Variants in GRIN2C observed in about 807,000 individuals in gnomAD.
The protein encoded by GRIN2C is glutamate receptor ionotropic, NMDA 2C.
A neutral mutation model predicts 77.7 loss-of-function variants in GRIN2C; 64 were observed. That is an observed-to-expected ratio of 0.82 (90% CI 0.67 to 1.01). The LOEUF (loss-of-function observed/expected upper bound fraction) is 1.01. GRIN2C is among the 50% of genes least tolerant of loss of function. The pLI, the probability that GRIN2C is intolerant of heterozygous loss-of-function variation, is 0.00. For missense variants in GRIN2C, 1,549 were observed against 1,486.0 expected (o/e 1.04, Z -0.70); for synonymous variants, 792 against 643.4 (o/e 1.23, Z -3.49).
Position 74,850,541 on chromosome 17 carries a change from G to T in GRIN2C, c.1325+15C>A. 1 of 1,611,980 alleles carries T rather than the reference G, an allele frequency of 6.2e-7. No homozygotes were observed. ...GCACCCAGCTCACACTAGCCTCCCA[G>T]GGCCCTCCACAGACCTGAAGGTGTG... is the stretch of plus-strand genomic sequence containing the variant. On this transcript the variant is annotated intron_variant, in intron 5 of 12. Coordinates refer to ENST00000293190, the MANE Select transcript of GRIN2C (RefSeq NM_000835.6). The surrounding 1 kb of genome is among the most constrained non-coding windows in gnomAD (Gnocchi z 5.3).
At position 74,846,045 on chromosome 17, in the gene GRIN2C, C is replaced by T; in HGVS notation, c.2350+21G>A. The T allele has an allele frequency of 6.2e-7, 1 of 1,609,694 alleles. No individual in the cohort carries two copies. The highest frequency in any genetic ancestry group is 8.5e-7 in the Non-Finnish European group (1 of 1,176,306). ...GGGCTCCACAGCCCACCCTGGGCAT[C>T]CCAGCAATGGCAGTACCCACCGTCC... is the stretch of plus-strand genomic sequence containing the variant. On this transcript the variant is annotated intron_variant, in intron 11 of 12. Transcript: ENST00000293190. The surrounding 1 kb of genome is among the most constrained non-coding windows in gnomAD (Gnocchi z 4.4).
intron 2 of GRIN2C, 22 bp downstream of exon 2, chr17:74,854,672 G>C: frequency 6.3e-7 from 1 of 1,592,424 alleles, no homozygotes; most frequent in Non-Finnish European, 8.6e-7. Flanking sequence ...AGGCACGAGG[G>C]GACATGAGTT....
chr17:74,852,378 G>T lies in GRIN2C; in HGVS notation c.633C>A (p.Arg211=). The T allele has an allele frequency of 7.0e-7, 1 of 1,431,274 alleles. No individual in the cohort carries two copies. Among genetic ancestry groups the T allele is most frequent in the Non-Finnish European group, 9.1e-7 (1 of 1,099,612 alleles). 88.7% of individuals were successfully genotyped at this position (1,431,274 alleles called of 1,614,324 possible). ...LELGPGGPRA[R]TQRLLRQLDA... ...CGAGCTGGCGCAGCAGGCGCTGCGT[G>T]CGCGCGCGCGGCCCTCCCGGGCCCA... is the stretch of plus-strand genomic sequence containing the variant. Residue 211 remains arginine (R), a synonymous_variant, in exon 3 of 13, where the codon CGC becomes CGA. Transcript: ENST00000293190.
Position 74,850,085 on chromosome 17 carries a change from C to T in GRIN2C, c.1491+121G>A. 7.4e-7 allele frequency: 1 copy of T among 1,355,804 alleles called. No individual in the cohort carries two copies. Among genetic ancestry groups the T allele is most frequent in the African/African-American group, 1.4e-5 (1 of 70,444 alleles). The allele number at this position is 1,355,804 out of a possible 1,614,324, so 84.0% of individuals were successfully genotyped here. A position where few individuals can be genotyped will look rare whatever the true frequency, so the allele number is the denominator to read the frequency against. On this transcript the variant is annotated intron_variant, in intron 6 of 12. Transcript: ENST00000293190. The surrounding 1 kb of genome is among the most constrained non-coding windows in gnomAD (Gnocchi z 5.3). ...GAGCTCAGCTTTCAGTACTGACCACCCCAGGAGTCATCATTGGTGACAGCC... is the reference window on the plus strand; with the variant it reads ...GAGCTCAGCTTTCAGTACTGACCACTCCAGGAGTCATCATTGGTGACAGCC...
chr17:74,849,920 C>T lies in GRIN2C; in HGVS notation c.1505G>A (p.Arg502Gln). ...NGMIGEVYYK[R>Q]ADMAIGSLTI... is the part of the protein sequence containing the mutation. ...GAGGGAGCCGATGGCCATGTCTGCC[C>T]GCTTGTAGTACACCTGGGGGCCGGA... is the stretch of plus-strand genomic sequence containing the variant. The change falls in exon 7 of 13, where the codon CGG becomes CAG. Residue 502 changes from arginine (R) to glutamine (Q), a missense_variant. By Grantham distance (43) the Arg-to-Gln change is conservative (BLOSUM62 1). Transcript: ENST00000293190. The surrounding 1 kb of genome is among the most constrained non-coding windows in gnomAD (Gnocchi z 4.6). 2.5e-6 allele frequency: 4 copies of T among 1,612,926 alleles called. No individual in the cohort carries two copies. Among genetic ancestry groups the T allele is most frequent in the Non-Finnish European group, 2.5e-6 (3 of 1,179,622 alleles).
In GRIN2C at chr17:74,849,650, T is replaced by A; in HGVS notation, c.1645+130A>T. 1 of 785,958 alleles carries A rather than the reference T, an allele frequency of 1.3e-6. No individual in the cohort carries two copies. The allele number at this position is 785,958 out of a possible 1,614,324, so 48.7% of individuals were successfully genotyped here. A position where few individuals can be genotyped will look rare whatever the true frequency, so the allele number is the denominator to read the frequency against. ...CCTTTCCACTCACCTCCAGCCAACC[T>A]CCAAGACCCAAGGCTGCTGTGCTTG... On this transcript the variant is annotated intron_variant, in intron 7 of 12. Coordinates refer to ENST00000293190, the MANE Select transcript of GRIN2C (RefSeq NM_000835.6). The surrounding 1 kb of genome is among the most constrained non-coding windows in gnomAD (Gnocchi z 4.6).
rs1032004323 is a variant in GRIN2C, at chr17:74,852,231, G to T, written c.780C>A (p.Gly260=). 1.4e-6 allele frequency: 2 copies of T among 1,420,118 alleles called. No homozygotes were observed. The highest frequency in any genetic ancestry group is 1.5e-5 in the African/African-American group (1 of 66,454). The allele number at this position is 1,420,118 out of a possible 1,614,324, so 88.0% of individuals were successfully genotyped here. The change falls in exon 3 of 13, where the codon GGC becomes GGA. Residue 260 remains glycine, a synonymous_variant. Transcript: ENST00000293190. ...HVWLVPNLAL[G]STDAPPATFP... is the part of the protein sequence containing the mutation. The stretch of plus-strand genomic sequence containing the variant: ...AGGTGGCGGGGGGCGCATCGGTGCT[G>T]CCCAGCGCCAGGTTGGGCACCAGCC...
intron 3 of GRIN2C, 37 bp from the exon 4 acceptor site, chr17:74,851,728 G>A (rs751445040): frequency 1.3e-5 from 17 of 1,304,354 alleles, no homozygotes; most frequent in Non-Finnish European, 1.8e-5. Context: ...CCCTGCCAAG[G>A]ACCAGGCACC....
At position 74,843,566 on chromosome 17, in the gene GRIN2C, G is replaced by A. The variant is rs558616076; in HGVS notation, c.2584-13C>T. ...AGCTGTAGATGCCCTGGGCAGTAGG[G>A]AGACGACAGGCCGTAAGCAGCGCCC... On this transcript the variant is annotated splice_polypyrimidine_tract_variant and intron_variant, in intron 12 of 12. Coordinates refer to ENST00000293190, the MANE Select transcript of GRIN2C (RefSeq NM_000835.6). 5 of 1,531,670 alleles carry A rather than the reference G, an allele frequency of 3.3e-6. No homozygotes were observed. The East Asian group carries it at 1.2e-4, about 38-fold the overall frequency. The allele number at this position is 1,531,670 out of a possible 1,614,324, so 94.9% of individuals were successfully genotyped here.
Position 74,843,304 on chromosome 17 carries a change from A to G in GRIN2C, c.2833T>C (p.Cys945Arg). 7.5e-7 allele frequency: 1 copy of G among 1,337,504 alleles called. No individual in the cohort carries two copies. Among genetic ancestry groups the G allele is most frequent in the East Asian group, 2.8e-5 (1 of 36,350 alleles). 82.9% of individuals were successfully genotyped at this position (1,337,504 alleles called of 1,614,324 possible). Residue 945 changes from cysteine to arginine, a missense_variant, in exon 13 of 13, where the codon TGC (cysteine) becomes CGC (arginine). Physicochemically the swap from Cys to Arg is radical, Grantham distance 180. Coordinates refer to ENST00000293190, the MANE Select transcript of GRIN2C (RefSeq NM_000835.6). The part of the protein sequence containing the change: ...CPTPRSGPSP[C>R]LPTPDPPPEP... ...GGGGGCGGGTCGGGGGTGGGCAGGC[A>G]TGGGCTGGGGCCAGACCGCGGGGTC... is the stretch of plus-strand genomic sequence containing the variant.
rs2037690155 is a variant in GRIN2C at position 74,852,495 on chromosome 17, G to A, written c.516C>T (p.His172=). The A allele has an allele frequency of 1.3e-6, 2 of 1,569,052 alleles. No individual in the cohort carries two copies. The highest frequency in any genetic ancestry group is 1.4e-5 in the African/African-American group (1 of 71,132). The change falls in exon 3 of 13, where the codon CAC becomes CAT. Residue 172 remains histidine, a synonymous_variant. Transcript: ENST00000293190. The stretch of plus-strand genomic sequence containing the variant: ...CCTCCAGGAAGAGCGCGTGGCCCGG[G>A]TGCAGGCTGGTGATGACGGCGAAGG... ...WSAFAVITSL[H]PGHALFLEGV...
Position 74,846,178 on chromosome 17 carries a change from G to A in GRIN2C, c.2238C>T (p.Val746=). The stretch of plus-strand genomic sequence containing the variant: ...CAAAGACCTTGCCAGACCCAATGGT[G>A]ACCAGCTTGCAGCCCTCGTCCTTGC... ...MAGKDEGCKL[V]TIGSGKVFAT... The change falls in exon 11 of 13, where the codon GTC becomes GTT. Residue 746 remains valine, a synonymous_variant. Transcript: ENST00000293190. This position sits in a 1 kb window ranked among gnomAD's most constrained non-coding sequence, Gnocchi z 4.4. 6.2e-7 allele frequency: 1 copy of A among 1,614,156 alleles called. No individual in the cohort carries two copies. Among genetic ancestry groups the A allele is most frequent in the Non-Finnish European group, 8.5e-7 (1 of 1,179,998 alleles).
At position 74,852,501 on chromosome 17, in the gene GRIN2C, G is replaced by A; in HGVS notation, c.510C>T (p.Ser170=). The part of the protein sequence containing the change: ...YDWSAFAVIT[S]LHPGHALFLE... ...GGAAGAGCGCGTGGCCCGGGTGCAG[G>A]CTGGTGATGACGGCGAAGGCGCTCC... The change falls in exon 3 of 13, where the codon AGC becomes AGT. Residue 170 remains serine (S), a synonymous_variant. Transcript: ENST00000293190. 1.3e-6 allele frequency: 2 copies of A among 1,569,798 alleles called. No homozygotes were observed. The highest frequency in any genetic ancestry group is 1.1e-5 in the South Asian group (1 of 87,010).
Position 74,846,394 on chromosome 17 carries a change from C to A in GRIN2C, c.2163-141G>T. ...CCAATGGGCAGAGACTTGTCTGGTT[C>A]TCTTGGGTCCTGGATGGGGTGAGGA... On this transcript the variant is annotated intron_variant, in intron 10 of 12. Transcript: ENST00000293190. The surrounding 1 kb of genome is among the most constrained non-coding windows in gnomAD (Gnocchi z 4.4). 1 of 697,434 alleles carries A rather than the reference C, an allele frequency of 1.4e-6. No individual in the cohort carries two copies. Among genetic ancestry groups the A allele is most frequent in the South Asian group, 1.8e-5 (1 of 56,884 alleles). The allele number at this position is 697,434 out of a possible 1,614,324, so 43.2% of individuals were successfully genotyped here. A position where few individuals can be genotyped will look rare whatever the true frequency, so the allele number is the denominator to read the frequency against.
rs770026107 is a variant in GRIN2C at position 74,847,827 on chromosome 17, C to A, written c.1771+25G>T. On this transcript the variant is annotated intron_variant, in intron 8 of 12. Coordinates refer to ENST00000293190, the MANE Select transcript of GRIN2C (RefSeq NM_000835.6). This position sits in a 1 kb window ranked among gnomAD's most constrained non-coding sequence, Gnocchi z 5.2. Reference sequence around the variant, plus strand: ...CCTCAGGGTGCCCAGGCCCACCCCTCCTGCCGGGCCCAGGCAAGGCTTACT... The same window carrying A: ...CCTCAGGGTGCCCAGGCCCACCCCTACTGCCGGGCCCAGGCAAGGCTTACT... 1.9e-6 allele frequency: 3 copies of A among 1,613,572 alleles called. No individual in the cohort carries two copies. The highest frequency in any genetic ancestry group is 2.2e-5 in the East Asian group (1 of 44,878).
At position 74,852,376 on chromosome 17, in the gene GRIN2C, G is replaced by A. The variant is rs1486138106; in HGVS notation, c.635C>T (p.Thr212Met). The A allele has an allele frequency of 1.4e-6, 2 of 1,441,484 alleles. No individual in the cohort carries two copies. The highest frequency in any genetic ancestry group is 2.9e-5 in the East Asian group (1 of 34,418). The allele number at this position is 1,441,484 out of a possible 1,614,324, so 89.3% of individuals were successfully genotyped here. A position where few individuals can be genotyped will look rare whatever the true frequency, so the allele number is the denominator to read the frequency against. Residue 212 changes from threonine to methionine, a missense_variant, in exon 3 of 13, where the codon ACG (threonine) becomes ATG (methionine). Around this residue, in one of 3 missense-constraint regions of GRIN2C, gnomAD observed 382 missense variants for 360.0 expected, o/e 1.06. Transcript: ENST00000293190. ...ELGPGGPRAR[T>M]QRLLRQLDAP... ...GTCGAGCTGGCGCAGCAGGCGCTGC[G>A]TGCGCGCGCGCGGCCCTCCCGGGCC...
At chr17:74,855,217 G>A in intron 1 of GRIN2C, 110 bp from the exon 2 acceptor site, 1 of 851,984 alleles carries the variant, frequency 1.2e-6, no homozygotes, top group East Asian at 2.7e-5. Flanking sequence ...AAAGAGAAGA[G>A]GGGAAAACCT....
chr17:74,859,723 C>T lies in GRIN2C; in HGVS notation c.-16+21G>A, dbSNP rs973209732. On this transcript the variant is annotated intron_variant, in intron 1 of 12. Coordinates refer to ENST00000293190, the MANE Select transcript of GRIN2C (RefSeq NM_000835.6). The surrounding 1 kb of genome is among the most constrained non-coding windows in gnomAD (Gnocchi z 5.9). ...GGCCACCGGGACGCCCCGCCCCCTC[C>T]CCTCCGCAGCAATCTCTTACACTCG... 1 of 152,402 alleles carries T rather than the reference C, an allele frequency of 6.6e-6. No individual in the cohort carries two copies. Among genetic ancestry groups the T allele is most frequent in the African/African-American group, 2.4e-5 (1 of 41,442 alleles). The allele number at this position is 152,402 out of a possible 1,614,324, so 9.4% of individuals were successfully genotyped here.
Position 74,849,308 on chromosome 17 carries a change from C to T in GRIN2C, c.1645+472G>A, listed in dbSNP as rs1040801373. On this transcript the variant is annotated intron_variant, in intron 7 of 12. Transcript: ENST00000293190. The surrounding 1 kb of genome is among the most constrained non-coding windows in gnomAD (Gnocchi z 4.6). Reference sequence around the variant, plus strand: ...CCTCACACTTCATGTCCCACGTGGCCTCTGACAGGGAACTTTGGGAAGGCA... The same window carrying T: ...CCTCACACTTCATGTCCCACGTGGCTTCTGACAGGGAACTTTGGGAAGGCA... Among the ~76,000 whole-genome samples the T allele has an allele frequency of 2.0e-5, 3 of 152,164 alleles. No homozygotes were observed. The highest frequency in any genetic ancestry group is 7.2e-5 in the African/African-American group (3 of 41,428).
Sources: allele counts gnomAD v4.1 joint callset (sites outside exome capture counted in the v4.1 genomes callset), GRCh38; gene constraint gnomAD v4.1.1; regional missense constraint gnomAD v4.1.1; non-coding constraint Gnocchi (gnomAD v3.1); transcripts MANE v1.5; gene names NCBI Gene and HGNC (gene_info 2026-07-23, HGNC 2026-07-21).